CCDC7: variants seen among roughly 807,000 people sequenced by gnomAD.
CCDC7 encodes the protein coiled-coil domain-containing protein 7.
Under a neutral mutation model 196.9 loss-of-function variants are expected in CCDC7, and 183 were observed. That is an observed-to-expected ratio of 0.93 (90% CI 0.82 to 1.05). The LOEUF is 1.05. CCDC7 is among the 50% of genes least tolerant of loss of function. The pLI, the probability that CCDC7 is intolerant of heterozygous loss-of-function variation, is 0.00. For missense variants in CCDC7, 1,540 were observed against 1,482.2 expected, an observed-to-expected ratio of 1.04 and a Z score of -0.64; for synonymous variants, 525 against 484.6, an observed-to-expected ratio of 1.08 and a Z score of -1.10.
At chr10:32,635,452 T>G (rs1406722550) in intron 20 of CCDC7, among the ~76,000 whole-genome samples, 1 of 152,170 alleles carries the variant, frequency 6.6e-6, no homozygotes, top group African/African-American at 2.4e-5. Context: ...AAATAAACTT[T>G]TTCCTAATGA....
Position 32,845,523 on chromosome 10 carries a change from A to C in CCDC7, c.3437-20A>C, listed in dbSNP as rs759842447. ...ATGATAATCTTACAAAATATACTGA[A>C]ATCTGTTTTATTTCTATAGAGACTG... On this transcript the variant is annotated intron_variant, in intron 34 of 41. Transcript: ENST00000639629. The C allele has an allele frequency of 6.4e-7, 1 of 1,563,694 alleles. No homozygotes were observed. The highest frequency in any genetic ancestry group is 1.4e-5 in the African/African-American group (1 of 73,210).
intron 25 of CCDC7, among the ~76,000 whole-genome samples, chr10:32,712,070 A>G (rs2080932417): frequency 6.6e-6 from 1 of 152,144 alleles, no homozygotes; most frequent in Non-Finnish European, 1.5e-5. Flanking sequence ...AGTAGGCAGA[A>G]GTATTGCCGA....
At chr10:32,528,441 AT>A (rs2049010473) in intron 11 of CCDC7, among the ~76,000 whole-genome samples, 1 of 141,000 alleles carries the variant, frequency 7.1e-6, no homozygotes, top group South Asian at 2.5e-4. Flanking sequence ...CACCCATTGC[AT>A]TATTCTTATG....
intron 24 of CCDC7, among the ~76,000 whole-genome samples, chr10:32,699,067 A>C (rs1029479781): frequency 6.6e-6 from 1 of 150,424 alleles, no homozygotes; most frequent in Non-Finnish European, 1.5e-5. Flanking sequence ...CTTTTTTTTT[A>C]TTTTACTTTA....
At chr10:32,499,271 A>G (rs966374960) in intron 9 of CCDC7, 3 of 152,254 alleles carry the variant, frequency 2.0e-5, no homozygotes, top group Admixed American at 6.5e-5. Context: ...CCATTTATAC[A>G]TAGGGAATTG....
intron 29 of CCDC7, among the ~76,000 whole-genome samples, chr10:32,780,899 A>G (rs548439412): frequency 8.5e-5 from 13 of 152,176 alleles, no homozygotes; most frequent in Non-Finnish European, 1.6e-4. Flanking sequence ...TGCACTTTAG[A>G]TGAACAAAAA....
intron 25 of CCDC7, among the ~76,000 whole-genome samples, chr10:32,718,253 A>C (rs1270777709): frequency 1.3e-5 from 2 of 152,192 alleles, no homozygotes; most frequent in East Asian, 3.8e-4. Context: ...AAATGCCATC[A>C]GTCACATAAA....
chr10:32,854,594 AC>A (rs1277553376), intron 41 of CCDC7, 105 bp downstream of exon 42: 1 of 700,456 alleles, frequency 1.4e-6, no homozygotes, highest in Non-Finnish European at 2.4e-6. Context: ...TCTTCAAACA[AC>A]CAACCTTATG....
chr10:32,748,815 C>T (rs993024433), intron 28 of CCDC7, among the ~76,000 whole-genome samples: 2 of 152,136 alleles, frequency 1.3e-5, no homozygotes, highest in East Asian at 3.9e-4. Context: ...GTAAAAAGTA[C>T]GTGTCCTGAG....
At chr10:32,559,681 T>C (rs2055067284) in intron 13 of CCDC7, among the ~76,000 whole-genome samples, 1 of 151,914 alleles carries the variant, frequency 6.6e-6, no homozygotes, top group Non-Finnish European at 1.5e-5. Context: ...TATGTCACCA[T>C]CATCAAAGAC....
At chr10:32,729,383 C>T in exon 28 of CCDC7, 1 of 1,540,608 alleles carries the variant, frequency 6.5e-7, no homozygotes. Context: ...CATCTGTTGC[C>T]TGAGGAGAAA....
chr10:32,461,707 GTGTATATATATATATATATATA>G (rs1391836561), intron 3 of CCDC7, among the ~76,000 whole-genome samples: 24 of 27,802 alleles, frequency 8.6e-4, no homozygotes, highest in African/African-American at 2.3e-3. Flanking sequence ...GTGTGTGTGT[GTGTATATATATATATATATATA>G]TGTATATATA....
intron 5 of CCDC7, among the ~76,000 whole-genome samples, chr10:32,464,772 A>C (rs1454330071): frequency 6.6e-6 from 1 of 152,044 alleles, no homozygotes; most frequent in East Asian, 1.9e-4. Context: ...CCGCCTCCCA[A>C]AGTGCTGGGA....
At chr10:32,451,536 A>T (rs1564606029), upstream of CCDC7, 11 of 1,412,426 alleles carry the variant, frequency 7.8e-6, no homozygotes, top group Middle Eastern at 2.6e-4. Context: ...GAAATGTAGT[A>T]TGTGAATTTA....
At chr10:32,679,829 G>C (rs1489117198) in intron 21 of CCDC7, among the ~76,000 whole-genome samples, 1 of 152,156 alleles carries the variant, frequency 6.6e-6, no homozygotes, top group Non-Finnish European at 1.5e-5. Context: ...GACAGATAGG[G>C]AATTAAGTAT....
rs1016560733 is a variant in CCDC7, at chr10:32,667,619, A to C, written c.2122+3458A>C. ...CAGTTTTCCCAGCACCATTTATTAAATAGGGAATCCTTTCCCCATTTCTTG... is the reference window on the plus strand; with the variant it reads ...CAGTTTTCCCAGCACCATTTATTAACTAGGGAATCCTTTCCCCATTTCTTG... On this transcript the variant is annotated intron_variant, in intron 21 of 41. Coordinates refer to ENST00000639629, the Ensembl canonical transcript of CCDC7. Among the ~76,000 whole-genome samples the C allele has an allele frequency of 1.2e-3, 179 of 152,312 alleles. 3 individuals are homozygous for C. Among genetic ancestry groups the C allele is most frequent in the Non-Finnish European group, 2.9e-4 (20 of 68,026 alleles).
In CCDC7 at chr10:32,511,264, GGGGGGC is replaced by G. The variant is rs1412229289; in HGVS notation, c.873-6676_873-6671del. On this transcript the variant is annotated intron_variant, in intron 9 of 41. Transcript: ENST00000639629. ...CACAGAATTATTCTGTGGGGGGCGGGGGGGGCGGGGAAATGTACTTTTTGAATATGT... is the reference window on the plus strand; with the variant it reads ...CACAGAATTATTCTGTGGGGGGCGGGGGGGAAATGTACTTTTTGAATATGT... The G allele has an allele frequency of 7.7e-5, 42 of 544,010 alleles. 2 individuals carry two copies. The highest frequency in any genetic ancestry group is 2.3e-4 in the Admixed American group (7 of 30,828). The allele number at this position is 544,010 out of a possible 1,614,324, so 33.7% of individuals were successfully genotyped here.
intron 11 of CCDC7, among the ~76,000 whole-genome samples, chr10:32,529,756 G>A (rs896220280): frequency 3.3e-5 from 5 of 152,106 alleles, no homozygotes; most frequent in African/African-American, 1.2e-4. Context: ...CTTTTCCTGT[G>A]CAGAAGGTTT....
At chr10:32,614,587 T>C (rs922065957) in intron 18 of CCDC7, among the ~76,000 whole-genome samples, 6 of 152,178 alleles carry the variant, frequency 3.9e-5, no homozygotes, top group African/African-American at 1.4e-4. Context: ...TGGTGAAATA[T>C]GGGCATTTAG....
Sources: gnomAD v4.1 joint callset for allele counts (sites outside exome capture counted in the v4.1 genomes callset) on GRCh38, gnomAD v4.1.1 for gene constraint, MANE v1.5 for transcripts, NCBI Gene and HGNC (gene_info 2026-07-23, HGNC 2026-07-21) for gene names.